The following DSCAM variants were observed in gnomAD, a reference collection of about 807,000 sequenced individuals.
DSCAM encodes the protein DS cell adhesion molecule, also known as cell adhesion molecule DSCAM.
A neutral mutation model predicts 217.7 loss-of-function variants in DSCAM; 47 were observed. The observed-to-expected ratio is 0.22, with a 90% confidence interval of 0.17 to 0.28. The LOEUF is 0.28. Ranked by LOEUF, DSCAM falls within the 10% of genes least tolerant of loss-of-function variation. The pLI is 1.00. For missense variants in DSCAM, 2,080 were observed against 2,618.3 expected (o/e 0.79, Z 4.49); for synonymous variants, 1,056 against 1,015.3 (o/e 1.04, Z -0.76).
chr21:40,309,261 G>A (rs920989210), intron 9 of DSCAM, among the ~76,000 whole-genome samples: 16 of 152,032 alleles, frequency 1.1e-4, no homozygotes, highest in African/African-American at 2.7e-4. Context: ...TCAAGCCCTC[G>A]CTGCAATGAC....
At chr21:40,307,772 T>C (rs1202556569) in intron 9 of DSCAM, among the ~76,000 whole-genome samples, 1 of 152,166 alleles carries the variant, frequency 6.6e-6, no homozygotes, top group Non-Finnish European at 1.5e-5. Flanking sequence ...GATGAGTTCA[T>C]GTCCTTTGTA....
At chr21:40,327,921 T>C (rs1001773605) in intron 8 of DSCAM, among the ~76,000 whole-genome samples, 3 of 152,040 alleles carry the variant, frequency 2.0e-5, no homozygotes, top group African/African-American at 4.8e-5. Context: ...AAAATACTTA[T>C]GAATAAATTA....
rs767137625 is a variant in DSCAM, at chr21:40,031,661, C to G, written c.5686+10710G>C. On this transcript the variant is annotated intron_variant, in intron 32 of 32. Transcript: ENST00000400454. ...ACAAACACGCACACACATACACAGC[C>G]CAGTGAGGCCTTGTGAGAAGCTAAA... 5.9e-5 allele frequency among the ~76,000 whole-genome samples: 9 copies of G among 152,110 alleles called. No individual in the cohort carries two copies. The South Asian group carries it at 8.3e-4, about 14-fold the overall frequency.
chr21:40,101,159 G>T (rs2089745309), intron 20 of DSCAM, among the ~76,000 whole-genome samples: 1 of 152,174 alleles, frequency 6.6e-6, no homozygotes. Context: ...TGGGACATTT[G>T]TGGACTGGGG....
At chr21:40,722,129 G>T (rs2090908230) in intron 1 of DSCAM, among the ~76,000 whole-genome samples, 1 of 152,052 alleles carries the variant, frequency 6.6e-6, no homozygotes. Flanking sequence ...TTCCAAAGCT[G>T]AGAATTCATT....
At chr21:40,564,256 C>T (rs2076748279) in intron 3 of DSCAM, among the ~76,000 whole-genome samples, 1 of 152,194 alleles carries the variant, frequency 6.6e-6, no homozygotes, top group African/African-American at 2.4e-5. Flanking sequence ...CTCTACAAAA[C>T]AGACCACTGC....
intron 27 of DSCAM, among the ~76,000 whole-genome samples, chr21:40,065,063 T>C (rs61298160): frequency 0.025 from 3,728 of 152,114 alleles, 164 homozygotes; most frequent in African/African-American, 0.085. Flanking sequence ...AACATTATAA[T>C]GTGAAGATAG....
intron 11 of DSCAM, among the ~76,000 whole-genome samples, chr21:40,242,733 G>T (rs1342765636): frequency 6.6e-6 from 1 of 152,198 alleles, no homozygotes; most frequent in Non-Finnish European, 1.5e-5. Context: ...CTGGGATCCT[G>T]AGCCCACAAT....
chr21:40,656,471 T>C (rs1375116907), intron 3 of DSCAM, among the ~76,000 whole-genome samples: 1 of 150,052 alleles, frequency 6.7e-6, no homozygotes, highest in Non-Finnish European at 1.5e-5. Flanking sequence ...CTTCACTCCA[T>C]CCTCAAGTTG....
chr21:40,340,401 T>C lies in DSCAM; in HGVS notation c.1211-986A>G, dbSNP rs367704274. On this transcript the variant is annotated intron_variant, in intron 6 of 32. Coordinates refer to ENST00000400454, the MANE Select transcript of DSCAM (RefSeq NM_001389.5). ...AGTAATAGTTACAAATGCATGTTTC[T>C]TTTATATATGTTTTTCCATTTATAA... Among the ~76,000 whole-genome samples, 241 of 152,342 alleles carry C rather than the reference T, an allele frequency of 1.6e-3. 1 individual carries two copies. Among genetic ancestry groups the C allele is most frequent in the Middle Eastern group, 0.01 (3 of 294 alleles).
At chr21:40,288,041 G>A (rs1165792226) in intron 10 of DSCAM, among the ~76,000 whole-genome samples, 1 of 152,104 alleles carries the variant, frequency 6.6e-6, no homozygotes, top group Admixed American at 6.6e-5. Flanking sequence ...TACAGAGTGG[G>A]GAAAATAGAA....
chr21:40,528,602 T>C (rs1244607365), intron 3 of DSCAM, among the ~76,000 whole-genome samples: 1 of 152,188 alleles, frequency 6.6e-6, no homozygotes, highest in Non-Finnish European at 1.5e-5. Flanking sequence ...CTCATACTGT[T>C]GGTAAATTTT....
intron 11 of DSCAM, among the ~76,000 whole-genome samples, chr21:40,209,594 G>A (rs762412395): frequency 6.6e-6 from 1 of 152,148 alleles, no homozygotes; most frequent in Non-Finnish European, 1.5e-5. Context: ...TGAGACAGAT[G>A]AAATGTGGCA....
intron 11 of DSCAM, among the ~76,000 whole-genome samples, chr21:40,215,922 G>A (rs1025250112): frequency 2.0e-5 from 3 of 147,512 alleles, no homozygotes; most frequent in African/African-American, 7.5e-5. Flanking sequence ...AGGTGAAACT[G>A]CTCCTTTTCT....
At chr21:40,218,080 G>C (rs1316234650) in intron 11 of DSCAM, among the ~76,000 whole-genome samples, 1 of 152,074 alleles carries the variant, frequency 6.6e-6, no homozygotes, top group African/African-American at 2.4e-5. Context: ...TGCCATTCCT[G>C]TGTCCAGGAT....
chr21:40,726,722 C>T (rs2090959224), intron 1 of DSCAM, among the ~76,000 whole-genome samples: 1 of 152,094 alleles, frequency 6.6e-6, no homozygotes, highest in African/African-American at 2.4e-5. Context: ...GAATGTTTGC[C>T]CCCACTCGAA....
chr21:40,402,563 C>T (rs1305881171), intron 3 of DSCAM, among the ~76,000 whole-genome samples: 2 of 151,774 alleles, frequency 1.3e-5, no homozygotes, highest in African/African-American at 4.8e-5. Flanking sequence ...CTATATATTT[C>T]CAAGTGATAC....
intron 3 of DSCAM, among the ~76,000 whole-genome samples, chr21:40,370,095 G>GT (rs141967429): frequency 1.3e-5 from 2 of 152,190 alleles, no homozygotes; most frequent in South Asian, 4.2e-4. Context: ...GGGCAAAAAT[G>GT]TTTTTTTCCC....
intron 3 of DSCAM, among the ~76,000 whole-genome samples, chr21:40,601,112 T>G (rs897172879): frequency 6.6e-6 from 1 of 152,202 alleles, no homozygotes; most frequent in Non-Finnish European, 1.5e-5. Flanking sequence ...TAAATCAAGT[T>G]GAGAAAAACT....
Sources: allele counts gnomAD v4.1 joint callset (sites outside exome capture counted in the v4.1 genomes callset), GRCh38; gene constraint gnomAD v4.1.1; transcripts MANE v1.5; gene names NCBI Gene and HGNC (gene_info 2026-07-23, HGNC 2026-07-21).